Variants in TTC3 observed in about 807,000 individuals in gnomAD.
The protein encoded by TTC3 is tetratricopeptide repeat domain 3.
TTC3 carries 180 observed loss-of-function variants against 249.6 expected under a neutral mutation model. The ratio of observed to expected loss-of-function variants is 0.72; its 90% CI spans 0.64 to 0.82. The LOEUF (loss-of-function observed/expected upper bound fraction) is 0.82, where lower values mean the gene tolerates loss of function less well. Ranked by LOEUF, TTC3 falls within the 40% of genes least tolerant of loss-of-function variation. The probability of loss-of-function intolerance (pLI) is 0.00; values close to 1 mark genes in which losing one functional copy is unlikely to be tolerated. For synonymous variants in TTC3, 717 were observed against 805.0 expected (o/e 0.89, Z 1.85); for missense variants, 2,061 against 2,398.4 (o/e 0.86, Z 2.94).
chr21:37,178,731 A>T (rs959770085), intron 35 of TTC3, among the ~76,000 whole-genome samples: 4 of 152,174 alleles, frequency 2.6e-5, no homozygotes, highest in African/African-American at 7.2e-5. Context: ...AGACCAAGGC[A>T]GAAAGATCGC....
chr21:37,122,918 C>A lies in TTC3; in HGVS notation c.1064-65C>A, dbSNP rs1047212514. On this transcript the variant is annotated intron_variant, in intron 12 of 45. Transcript: ENST00000355666. ...TATCAGCTTAAAGTAAATTTGAAAT[C>A]TTTTAAAGTCTGTGTTGCCAATCCA... The A allele has an allele frequency of 2.6e-6, 4 of 1,557,080 alleles. No homozygotes were observed. The East Asian group carries it at 9.0e-5, about 35-fold the overall frequency.
intron 5 of TTC3, among the ~76,000 whole-genome samples, chr21:37,089,390 A>T (rs542119492): frequency 6.6e-6 from 1 of 152,234 alleles, no homozygotes; most frequent in African/African-American, 2.4e-5. Context: ...TATGGAGTCA[A>T]GTGTTGTTCT....
chr21:37,122,419 A>ATT (rs1555879495), intron 12 of TTC3, among the ~76,000 whole-genome samples: 5 of 38,020 alleles, frequency 1.3e-4, no homozygotes, highest in African/African-American at 3.5e-4. Context: ...ATATATATAT[A>ATT]ATATATATAT....
chr21:37,186,890 C>T (rs2083355177), intron 37 of TTC3, among the ~76,000 whole-genome samples, 159 bp from the exon 38 acceptor site: 1 of 152,174 alleles, frequency 6.6e-6, no homozygotes, highest in Non-Finnish European at 1.5e-5. Context: ...ACACTTGAGC[C>T]TGTGTATTGT....
intron 7 of TTC3, 70 bp downstream of exon 7, chr21:37,091,483 G>A: frequency 1.5e-6 from 2 of 1,370,814 alleles, no homozygotes; most frequent in Non-Finnish European, 1.9e-6. Flanking sequence ...GAGATATGTA[G>A]TTAAGTGATT....
intron 42 of TTC3, among the ~76,000 whole-genome samples, chr21:37,196,237 C>CTTTTTTTT (rs35693053): frequency 3.3e-5 from 4 of 120,348 alleles, no homozygotes; most frequent in Admixed American, 8.4e-5. Flanking sequence ...TTTTTTCTTT[C>CTTTTTTTT]TTTTTTTTTT....
chr21:37,100,171 A>G (rs909666503), intron 10 of TTC3, among the ~76,000 whole-genome samples: 5 of 152,178 alleles, frequency 3.3e-5, no homozygotes, highest in African/African-American at 7.2e-5. Flanking sequence ...GTGGGTGTCA[A>G]CTGTAACAAA....
chr21:37,157,807 A>C (rs1215106802), intron 28 of TTC3, among the ~76,000 whole-genome samples: 1 of 152,208 alleles, frequency 6.6e-6, no homozygotes, highest in Non-Finnish European at 1.5e-5. Flanking sequence ...ATTTGGAGGC[A>C]GTGACATGTG....
chr21:37,097,057 A>G (rs2074014612), intron 10 of TTC3, among the ~76,000 whole-genome samples: 1 of 152,204 alleles, frequency 6.6e-6, no homozygotes, highest in Non-Finnish European at 1.5e-5. Context: ...TAATTAATCC[A>G]TATAGTATAA....
chr21:37,086,984 G>A, intron 1 of TTC3: 1 of 383,608 alleles, frequency 2.6e-6, no homozygotes, highest in South Asian at 4.7e-5. Flanking sequence ...ATTTAAAGGA[G>A]ACATGTAAAC....
chr21:37,157,306 G>C, intron 28 of TTC3: 1 of 732,800 alleles, frequency 1.4e-6, no homozygotes, highest in Non-Finnish European at 2.0e-6. Flanking sequence ...ATTCTAGGAT[G>C]TTTTAATGGG....
At chr21:37,162,385 A>C (rs1392152026) in intron 31 of TTC3, among the ~76,000 whole-genome samples, 3 of 146,476 alleles carry the variant, frequency 2.0e-5, no homozygotes, top group African/African-American at 7.6e-5. Context: ...TAAAATAGTC[A>C]ATAAAGAGAA....
intron 39 of TTC3, among the ~76,000 whole-genome samples, chr21:37,190,290 C>T (rs1216118902): frequency 6.6e-6 from 1 of 151,602 alleles, no homozygotes; most frequent in African/African-American, 2.4e-5. Flanking sequence ...CTCCCACCAC[C>T]ACGCCAGGCT....
At chr21:37,087,005 A>G (rs956550612) in intron 1 of TTC3, 2 of 472,518 alleles carry the variant, frequency 4.2e-6, no homozygotes, top group East Asian at 3.7e-5. Flanking sequence ...AGGTTAACTT[A>G]GAGTAGAGAT....
intron 1 of TTC3, 64 bp from the exon 2 acceptor site, chr21:37,087,183 G>T (rs2072603656): frequency 5.7e-6 from 9 of 1,566,242 alleles, no homozygotes; most frequent in Non-Finnish European, 6.9e-6. Context: ...TAGAAGCCAG[G>T]AAAACTTTCT....
At chr21:37,103,660 CATTGATTCAACAAAT>C (rs2074755133) in intron 10 of TTC3, among the ~76,000 whole-genome samples, 1 of 152,120 alleles carries the variant, frequency 6.6e-6, no homozygotes, top group Non-Finnish European at 1.5e-5. Flanking sequence ...TAATGTTCAG[CATTGATTCAACAAAT>C]ATTGGGGTTC....
rs571292128 is a variant in TTC3, at chr21:37,201,449, C to T, written c.5953C>T (p.Gln1985Ter). 1.1e-5 allele frequency: 17 copies of T among 1,613,886 alleles called. No homozygotes were observed. In the Admixed American group the frequency reaches 2.7e-4, roughly 25 times the overall value. ...GTTTTCTCCTTTTCAGTGCTTTAAG[C>T]AGTGGCTTAAAGGGCAGAGCGCTTG... Residue 1985 changes from glutamine to a stop codon, truncating the protein, a stop_gained, in exon 46 of 46, where the codon CAG (glutamine) becomes TAG (stop). Coordinates refer to ENST00000355666, the Ensembl canonical transcript of TTC3. LOFTEE classifies it low-confidence loss of function (END_TRUNC).
At chr21:37,160,831 C>T in exon 30 of TTC3, 2 of 1,612,488 alleles carry the variant, frequency 1.2e-6, no homozygotes, top group Admixed American at 1.7e-5. Context: ...AAAACAAAAG[C>T]AAGAAAAAGA....
intron 35 of TTC3, among the ~76,000 whole-genome samples, chr21:37,179,756 T>C (rs549334259): frequency 5.3e-5 from 8 of 152,282 alleles, no homozygotes; most frequent in Non-Finnish European, 7.3e-5. Flanking sequence ...TGCCTCAGAC[T>C]CCTGAGTAGA....
Sources: gnomAD v4.1 joint callset for allele counts (sites outside exome capture counted in the v4.1 genomes callset) on GRCh38, gnomAD v4.1.1 for gene constraint, MANE v1.5 for transcripts, NCBI Gene and HGNC (gene_info 2026-07-23, HGNC 2026-07-21) for gene names.